The following FAM107A variants were observed in gnomAD, a reference collection of about 807,000 sequenced individuals.
FAM107A encodes family with sequence similarity 107 member A.
FAM107A carries 19 observed loss-of-function variants against 13.7 expected under a neutral mutation model. The observed-to-expected ratio is 1.38, with a 90% confidence interval of 0.97 to 2.03. FAM107A has a LOEUF of 2.03. Among genes scored for constraint, FAM107A ranks in the 30% most tolerant of loss-of-function variants. FAM107A has a pLI of 0.00. For synonymous variants in FAM107A, 82 were observed against 74.5 expected, an observed-to-expected ratio of 1.10 and a Z score of -0.52; for missense variants, 203 against 184.4, an observed-to-expected ratio of 1.10 and a Z score of -0.58.
In FAM107A at chr3:58,621,774, C is replaced by T. The variant is rs78233053; in HGVS notation, c.-70+5642G>A. The stretch of plus-strand genomic sequence containing the variant: ...GGATGCTTTCCAAACATCTGCATAA[C>T]GGGGGTTGCAGGGTGGTGGGGAGAA... On this transcript the variant is annotated intron_variant, in intron 1 of 3. Transcript: ENST00000465970. Among the ~76,000 whole-genome samples, 11 of 152,314 alleles carry T rather than the reference C, an allele frequency of 7.2e-5. No individual in the cohort carries two copies. The East Asian group carries it at 7.7e-4, about 11-fold the overall frequency.
chr3:58,589,967 C>A (rs1438082022), upstream of FAM107A, among the ~76,000 whole-genome samples: 2 of 152,208 alleles, frequency 1.3e-5, no homozygotes, highest in African/African-American at 4.8e-5. Flanking sequence ...TCTTCAAGGG[C>A]CAAGTCAGAA....
chr3:58,576,153 C>T (rs968692117), intron 1 of FAM107A, among the ~76,000 whole-genome samples: 4 of 152,228 alleles, frequency 2.6e-5, no homozygotes, highest in Non-Finnish European at 5.9e-5. Flanking sequence ...TCGGAGCCAC[C>T]TCCAGATCTC....
chr3:58,609,095 G>A, intron 1 of FAM107A: 1 of 152,170 alleles, frequency 6.6e-6, no homozygotes, highest in Non-Finnish European at 1.5e-5. Context: ...GGGACAAGGA[G>A]GCCCCATGAT....
chr3:58,568,510 AATTT>A (rs1424235010), intron 2 of FAM107A, among the ~76,000 whole-genome samples: 1 of 152,162 alleles, frequency 6.6e-6, no homozygotes, highest in Admixed American at 6.5e-5. Context: ...TTAAAAATAA[AATTT>A]ATTTATATTA....
At chr3:58,586,865 G>A (rs1427434806) in exon 1 of FAM107A, 2 of 1,532,780 alleles carry the variant, frequency 1.3e-6, no homozygotes, top group East Asian at 4.9e-5. Context: ...TACCCGACCG[G>A]AGCAGCACAG....
At chr3:58,615,382 T>G (rs2065892228) in intron 1 of FAM107A, among the ~76,000 whole-genome samples, 1 of 149,216 alleles carries the variant, frequency 6.7e-6, no homozygotes, top group Non-Finnish European at 1.5e-5. Context: ...ACCTTCTTCT[T>G]AAGGACCATT....
At chr3:58,625,772 A>G (rs2066008478) in intron 1 of FAM107A, among the ~76,000 whole-genome samples, 1 of 152,208 alleles carries the variant, frequency 6.6e-6, no homozygotes, top group South Asian at 2.1e-4. Flanking sequence ...GCAACCCTTT[A>G]TGAGAAATAA....
rs1368334674 is a variant in FAM107A at position 58,565,593 on chromosome 3, C to T, written c.*995G>A. The T allele has an allele frequency of 6.6e-6, 1 of 151,834 alleles. No homozygotes were observed. The highest frequency in any genetic ancestry group is 1.5e-5 in the Non-Finnish European group (1 of 67,970). 9.4% of individuals were successfully genotyped at this position (151,834 alleles called of 1,614,324 possible). On this transcript the variant is annotated 3_prime_UTR_variant, in exon 4 of 4. Coordinates refer to ENST00000360997, the MANE Select transcript of FAM107A (RefSeq NM_001076778.3). ...AGGCCAAAGTCTTCACGGGCAATCC[C>T]TGGGGTGGGAGTCTGGGATGGGGTG...
intron 1 of FAM107A, among the ~76,000 whole-genome samples, chr3:58,608,355 GA>G (rs1237633138): frequency 6.6e-6 from 1 of 152,186 alleles, no homozygotes; most frequent in Non-Finnish European, 1.5e-5. Context: ...CTTAAAATAA[GA>G]AGGAAATGGG....
Position 58,569,775 on chromosome 3 carries a change from A to T in FAM107A, c.86T>A (p.Ile29Asn), listed in dbSNP as rs11539084. 1,176 of 1,613,812 alleles carry T rather than the reference A, an allele frequency of 7.3e-4. 4 individuals carry two copies. Among genetic ancestry groups the T allele is most frequent in the Non-Finnish European group, 6.6e-4 (782 of 1,179,954 alleles). ...PEYREWNPEL[I>N]KPKKLLNPVK... ...GGGGTTCAGCAGCTTCTTGGGCTTG[A>T]TGAGCTCCGGATTCCACTCTCTGTA... Residue 29 changes from isoleucine (I) to asparagine (N), a missense_variant, in exon 2 of 4, where the codon ATC becomes AAC. Coordinates refer to ENST00000360997, the MANE Select transcript of FAM107A (RefSeq NM_001076778.3). This position sits in a 1 kb window ranked among gnomAD's most constrained non-coding sequence, Gnocchi z 5.7.
In FAM107A at chr3:58,586,978, G is replaced by A. The variant is rs536154604; in HGVS notation, c.-42C>T. On this transcript the variant is annotated 5_prime_UTR_variant, in exon 1 of 4. Transcript: ENST00000447756. ...CTGCAGAGCCAGCACTGCTGGCCCC[G>A]CGAGCGCACAGCAGGAGCGTAGTCC... is the stretch of plus-strand genomic sequence containing the variant. The A allele has an allele frequency of 3.2e-4, 486 of 1,495,738 alleles. 4 individuals are homozygous for A. In the Middle Eastern group the frequency reaches 4.3e-3, roughly 13 times the overall value. 92.7% of individuals were successfully genotyped at this position (1,495,738 alleles called of 1,614,324 possible). A position where few individuals can be genotyped will look rare whatever the true frequency, so the allele number is the denominator to read the frequency against.
chr3:58,577,891 C>A (rs957117462), upstream of FAM107A: 8 of 191,328 alleles, frequency 4.2e-5, no homozygotes, highest in Non-Finnish European at 7.7e-5. This position sits in a 1 kb window ranked among gnomAD's most constrained non-coding sequence, Gnocchi z 4.9. Context: ...CCGTACACAG[C>A]GTTTTCCTGA....
chr3:58,570,869 G>C (rs559415703), intron 1 of FAM107A, among the ~76,000 whole-genome samples: 1 of 152,216 alleles, frequency 6.6e-6, no homozygotes, highest in Non-Finnish European at 1.5e-5. Flanking sequence ...TGCAACTTTT[G>C]AAGTTTTCTT....
At chr3:58,598,313 A>T (rs983102822) in intron 1 of FAM107A, among the ~76,000 whole-genome samples, 1 of 152,168 alleles carries the variant, frequency 6.6e-6, no homozygotes, top group Non-Finnish European at 1.5e-5. Context: ...GTCCACTTAC[A>T]TCACATGGGT....
intron 1 of FAM107A, among the ~76,000 whole-genome samples, chr3:58,611,385 G>A (rs902372742): frequency 6.6e-6 from 1 of 152,204 alleles, no homozygotes; most frequent in Non-Finnish European, 1.5e-5. Context: ...ATTATGAACA[G>A]GTGGGGGTGT....
At chr3:58,594,514 C>T (rs2065682406) in intron 1 of FAM107A, among the ~76,000 whole-genome samples, 1 of 152,216 alleles carries the variant, frequency 6.6e-6, no homozygotes, top group Non-Finnish European at 1.5e-5. Context: ...TTTCACTTTA[C>T]ATTTCCAGTT....
At chr3:58,585,821 C>G (rs1299118403) in intron 1 of FAM107A, among the ~76,000 whole-genome samples, 1 of 152,156 alleles carries the variant, frequency 6.6e-6, no homozygotes, top group Non-Finnish European at 1.5e-5. Context: ...TCTTTTTTTC[C>G]CCCCTACATC....
In FAM107A at chr3:58,565,435, A is replaced by ATTTTTTTTT. The variant is rs71625690; in HGVS notation, c.*1144_*1152dup. ...GACTAGGAAAAAGTAAAAAAAAAAA[A>ATTTTTTTTT]TTTTTTTTTTTTTTTTTTTTTTTTT... On this transcript the variant is annotated 3_prime_UTR_variant, in exon 4 of 4. Transcript: ENST00000360997. 2 of 82,318 alleles carry ATTTTTTTTT rather than the reference A, an allele frequency of 2.4e-5. No homozygotes were observed. Among genetic ancestry groups the ATTTTTTTTT allele is most frequent in the Non-Finnish European group, 4.4e-5 (2 of 45,294 alleles). The allele number at this position is 82,318 out of a possible 1,614,324, so 5.1% of individuals were successfully genotyped here.
At chr3:58,615,890 C>T (rs910629127) in intron 1 of FAM107A, among the ~76,000 whole-genome samples, 1 of 113,702 alleles carries the variant, frequency 8.8e-6, no homozygotes, top group African/African-American at 3.5e-5. Flanking sequence ...CAGAGCCAGA[C>T]CCTGTCTCAA....
Sources: allele counts gnomAD v4.1 joint callset (sites outside exome capture counted in the v4.1 genomes callset), GRCh38; gene constraint gnomAD v4.1.1; non-coding constraint Gnocchi (gnomAD v3.1); transcripts MANE v1.5; gene names NCBI Gene and HGNC (gene_info 2026-07-23, HGNC 2026-07-21).